The following LOC122539214 variants were observed in gnomAD, a reference collection of about 807,000 sequenced individuals.
the LOC122539214 span, among the ~76,000 whole-genome samples, chr19:52,671,201 G>GT: frequency 3.9e-5 from 6 of 152,030 alleles, no homozygotes; most frequent in Non-Finnish European, 8.8e-5. Flanking sequence ...TTTGTGGTTT[G>GT]TAAGGCATGA....
At chr19:52,668,017 GTCCAC>G in the LOC122539214 span, among the ~76,000 whole-genome samples, 1 of 152,154 alleles carries the variant, frequency 6.6e-6, no homozygotes, top group Non-Finnish European at 1.5e-5. Context: ...GGATTATAAA[GTCCAC>G]TGCTGATGTC....
the LOC122539214 span, among the ~76,000 whole-genome samples, chr19:52,674,853 C>A: frequency 6.6e-6 from 1 of 152,138 alleles, no homozygotes; most frequent in Non-Finnish European, 1.5e-5. Context: ...TTTAACACAA[C>A]GCCCATACAA....
chr19:52,673,525 G>C, the LOC122539214 span, among the ~76,000 whole-genome samples: 1 of 150,876 alleles, frequency 6.6e-6, no homozygotes, highest in Non-Finnish European at 1.5e-5. Context: ...CACACAAAAT[G>C]CTATAAACAG....
chr19:52,682,757 C>A, the LOC122539214 span, among the ~76,000 whole-genome samples: 1 of 152,116 alleles, frequency 6.6e-6, no homozygotes, highest in East Asian at 1.9e-4. Context: ...ATCCTTCTAG[C>A]TCTTTGGGAG....
the LOC122539214 span, among the ~76,000 whole-genome samples, chr19:52,662,804 G>A: frequency 6.6e-6 from 1 of 152,062 alleles, no homozygotes; most frequent in Admixed American, 6.6e-5. Context: ...TCAGAAGGAG[G>A]TGCGGCTCAT....
chr19:52,656,224 CTCTA>C, the LOC122539214 span, among the ~76,000 whole-genome samples: 1 of 124,504 alleles, frequency 8.0e-6, no homozygotes. Context: ...CTCTCTCTCT[CTCTA>C]TATATATATA....
chr19:52,685,966 A>T, the LOC122539214 span, among the ~76,000 whole-genome samples: 1 of 151,982 alleles, frequency 6.6e-6, no homozygotes, highest in Non-Finnish European at 1.5e-5. Flanking sequence ...TGCCAATCCA[A>T]CCCATCTTTC....
At chr19:52,686,969 G>A in the LOC122539214 span, among the ~76,000 whole-genome samples, 2 of 151,842 alleles carry the variant, frequency 1.3e-5, no homozygotes, top group Non-Finnish European at 2.9e-5. Flanking sequence ...ATCACCTGAG[G>A]TCAGGAGTTT....
chr19:52,661,706 G>A, the LOC122539214 span, among the ~76,000 whole-genome samples: 1 of 152,184 alleles, frequency 6.6e-6, no homozygotes, highest in Non-Finnish European at 1.5e-5. Flanking sequence ...TCCCCTTGGG[G>A]ACTTGTTCCC....
the LOC122539214 span, among the ~76,000 whole-genome samples, chr19:52,689,265 A>G: frequency 1.3e-5 from 2 of 152,118 alleles, no homozygotes; most frequent in Non-Finnish European, 2.9e-5. Flanking sequence ...AAAATAAACA[A>G]TTCTGTTTCT....
the LOC122539214 span, among the ~76,000 whole-genome samples, chr19:52,680,644 G>A: frequency 4.4e-5 from 5 of 112,860 alleles, no homozygotes; most frequent in Non-Finnish European, 1.6e-5. Flanking sequence ...ACGGAGTCTC[G>A]CTCTGTCGCC....
At chr19:52,660,500 C>T in the LOC122539214 span, among the ~76,000 whole-genome samples, 1 of 148,638 alleles carries the variant, frequency 6.7e-6, no homozygotes, top group Non-Finnish European at 1.5e-5. Flanking sequence ...CACCTATAAT[C>T]ACAGCTGCTT....
the LOC122539214 span, among the ~76,000 whole-genome samples, chr19:52,673,524 T>C: frequency 3.3e-5 from 5 of 150,446 alleles, no homozygotes; most frequent in South Asian, 8.4e-4. Context: ...ACACACAAAA[T>C]GCTATAAACA....
the LOC122539214 span, among the ~76,000 whole-genome samples, chr19:52,674,865 TC>T: frequency 6.6e-6 from 1 of 152,106 alleles, no homozygotes; most frequent in Non-Finnish European, 1.5e-5. Flanking sequence ...CCCATACAAA[TC>T]CCTATCAGTT....
At chr19:52,683,063 G>A in the LOC122539214 span, among the ~76,000 whole-genome samples, 1 of 90,722 alleles carries the variant, frequency 1.1e-5, no homozygotes, top group Non-Finnish European at 2.1e-5. Context: ...TAGAGATGAG[G>A]TTTCACCATG....
the LOC122539214 span, among the ~76,000 whole-genome samples, chr19:52,688,579 C>T: frequency 1.3e-5 from 2 of 151,914 alleles, no homozygotes; most frequent in Admixed American, 6.6e-5. Context: ...TTCTGCTCCT[C>T]ATTTTGTACC....
the LOC122539214 span, among the ~76,000 whole-genome samples, chr19:52,680,834 G>C: frequency 2.7e-5 from 4 of 150,084 alleles, no homozygotes; most frequent in Non-Finnish European, 3.0e-5. Flanking sequence ...GGATGGTCTC[G>C]ATCTCCTGAC....
the LOC122539214 span, among the ~76,000 whole-genome samples, chr19:52,659,613 C>CAAAAAAAAAAAAAAAAA: frequency 1.7e-5 from 2 of 114,292 alleles, 1 homozygote; most frequent in Non-Finnish European, 3.6e-5. Context: ...GACTCCAACT[C>CAAAAAAAAAAAAAAAAA]AAAAAAAAAA....
chr19:52,668,352 C>A, the LOC122539214 span, among the ~76,000 whole-genome samples: 2 of 152,192 alleles, frequency 1.3e-5, no homozygotes, highest in South Asian at 4.2e-4. Flanking sequence ...TGGATCAAGC[C>A]CTACCAAATT....
Sources: allele counts gnomAD v4.1 joint callset (sites outside exome capture counted in the v4.1 genomes callset), GRCh38; gene constraint gnomAD v4.1.1; transcripts MANE v1.5.